The following MARK2 variants were observed in gnomAD, a reference collection of about 807,000 sequenced individuals.
MARK2 encodes the protein serine/threonine-protein kinase MARK2.
A neutral mutation model predicts 89.8 loss-of-function variants in MARK2; 16 were observed. The ratio of observed to expected loss-of-function variants is 0.18; its 90% CI spans 0.12 to 0.27. The LOEUF is 0.27. MARK2 is among the 10% of genes least tolerant of loss of function. The pLI, the probability that MARK2 is intolerant of heterozygous loss-of-function variation, is 1.00. For missense variants in MARK2, 621 were observed against 1,049.9 expected (o/e 0.59, Z 5.65); for synonymous variants, 382 against 399.5 (o/e 0.96, Z 0.52).
At chr11:63,885,547 AAGAG>A (rs887331511) in intron 1 of MARK2, among the ~76,000 whole-genome samples, 3 of 150,144 alleles carry the variant, frequency 2.0e-5, no homozygotes, top group Admixed American at 6.6e-5. Context: ...TTGAAAAAAA[AAGAG>A]AGGCTGGGCG....
At chr11:63,842,681 A>G (rs1197938123) in intron 1 of MARK2, among the ~76,000 whole-genome samples, 1 of 152,048 alleles carries the variant, frequency 6.6e-6, no homozygotes, top group Non-Finnish European at 1.5e-5. Flanking sequence ...GGTCATTACT[A>G]TAGTCTTAAT....
intron 1 of MARK2, among the ~76,000 whole-genome samples, chr11:63,876,783 A>G (rs1165459264): frequency 5.9e-5 from 9 of 152,196 alleles, no homozygotes; most frequent in Admixed American, 5.2e-4. Context: ...TGCCTCCTTC[A>G]AAACACCCAG....
chr11:63,899,924 T>C lies in MARK2; in HGVS notation c.582T>C (p.Phe194=), dbSNP rs1940730182. ...ATATGAACATCAAGATTGCAGACTT[T>C]GGCTTCAGCAATGAATTCACCTTTG... ...DADMNIKIAD[F]GFSNEFTFGN... is the part of the protein sequence containing the mutation. The change falls in exon 8 of 19, where the codon TTT becomes TTC. Residue 194 remains phenylalanine (F), a synonymous_variant. Transcript: ENST00000402010. 2 of 1,614,106 alleles carry C rather than the reference T, an allele frequency of 1.2e-6. No individual in the cohort carries two copies. The highest frequency in any genetic ancestry group is 1.7e-6 in the Non-Finnish European group (2 of 1,180,050).
intron 1 of MARK2, among the ~76,000 whole-genome samples, chr11:63,840,460 C>T (rs1337751403): frequency 2.0e-5 from 3 of 152,170 alleles, no homozygotes; most frequent in African/African-American, 7.2e-5. Flanking sequence ...AGACACTTGG[C>T]CCCACCGTAT....
chr11:63,840,702 C>T (rs1054276118), intron 1 of MARK2, among the ~76,000 whole-genome samples: 2 of 152,188 alleles, frequency 1.3e-5, no homozygotes, highest in African/African-American at 2.4e-5. Context: ...GCATTAGTCT[C>T]CTGCCTTCTT....
chr11:63,891,909 A>C (rs1228073173), intron 1 of MARK2, among the ~76,000 whole-genome samples: 2 of 152,202 alleles, frequency 1.3e-5, no homozygotes, highest in African/African-American at 2.4e-5. Context: ...TGGCCCAATC[A>C]GGTGCCAGCA....
At chr11:63,881,939 G>C (rs183963162) in intron 1 of MARK2, among the ~76,000 whole-genome samples, 1 of 152,348 alleles carries the variant, frequency 6.6e-6, no homozygotes, top group African/African-American at 2.4e-5. Context: ...CTGGGCAAGA[G>C]AGCAAGACTT....
intron 1 of MARK2, among the ~76,000 whole-genome samples, chr11:63,879,829 A>G (rs1047941900): frequency 6.6e-6 from 1 of 151,910 alleles, no homozygotes; most frequent in African/African-American, 2.4e-5. Context: ...TTGTCCCAGT[A>G]TTTTTTTCTG....
At chr11:63,873,787 A>G (rs1380268829) in intron 1 of MARK2, among the ~76,000 whole-genome samples, 1 of 152,224 alleles carries the variant, frequency 6.6e-6, no homozygotes, top group Admixed American at 6.5e-5. Flanking sequence ...CTGAGACTGC[A>G]GGCATGCGCC....
chr11:63,899,975 C>G lies in MARK2; in HGVS notation c.633C>G (p.Gly211=). The change falls in exon 8 of 19, where the codon GGC becomes GGG. Residue 211 remains glycine (G), a synonymous_variant. Transcript: ENST00000402010. ...GGAACAAGCTGGACACCTTCTGTGG[C>G]AGTCCCCCTTATGCTGCCCCAGAAC... ...TFGNKLDTFC[G]SPPYAAPELF... The G allele has an allele frequency of 6.2e-7, 1 of 1,614,140 alleles. No individual in the cohort carries two copies.
intron 1 of MARK2, among the ~76,000 whole-genome samples, chr11:63,853,723 C>T (rs989799614): frequency 2.0e-5 from 3 of 152,164 alleles, no homozygotes; most frequent in African/African-American, 7.2e-5. Context: ...GCACTAAGCT[C>T]TACTAGTGGT....
chr11:63,860,149 T>C (rs1937663362), intron 1 of MARK2, among the ~76,000 whole-genome samples: 1 of 152,164 alleles, frequency 6.6e-6, no homozygotes, highest in South Asian at 2.1e-4. Context: ...ATATACTCAT[T>C]CTCCAATTTC....
At chr11:63,853,260 G>C (rs1024779682) in intron 1 of MARK2, among the ~76,000 whole-genome samples, 1 of 152,122 alleles carries the variant, frequency 6.6e-6, no homozygotes, top group African/African-American at 2.4e-5. Context: ...TTAGCCAGGC[G>C]TGGTGGCGCA....
Position 63,839,487 on chromosome 11 carries a change from TC to T in MARK2, c.-15del. 1 of 1,482,632 alleles carries T rather than the reference TC, an allele frequency of 6.7e-7. No homozygotes were observed. The highest frequency in any genetic ancestry group is 9.1e-7 in the Non-Finnish European group (1 of 1,097,216). The allele number at this position is 1,482,632 out of a possible 1,614,324, so 91.8% of individuals were successfully genotyped here. On this transcript the variant is annotated 5_prime_UTR_variant, in exon 1 of 19. Coordinates refer to ENST00000402010, the MANE Select transcript of MARK2 (RefSeq NM_001039469.3). ...CCTTCCTCCAAGCTTCTCGGTTCCC[TC>T]CCCCGAGATACCGGCGCCATGTCCA...
Position 63,902,799 on chromosome 11 carries a change from G to T in MARK2, c.1416+17G>T. The T allele has an allele frequency of 6.3e-7, 1 of 1,597,280 alleles. No homozygotes were observed. Among genetic ancestry groups the T allele is most frequent in the Non-Finnish European group, 8.6e-7 (1 of 1,167,590 alleles). ...CCCTCCACGGTGAGCCGCACCCCCC[G>T]CTCTCTCCTTCCTTCCTGCGGTGGG... On this transcript the variant is annotated intron_variant, in intron 13 of 18. Coordinates refer to ENST00000402010, the MANE Select transcript of MARK2 (RefSeq NM_001039469.3). This position sits in a 1 kb window ranked among gnomAD's most constrained non-coding sequence, Gnocchi z 4.2.
At chr11:63,839,707 C>T (rs1590946489) in intron 1 of MARK2, 147 bp downstream of exon 1, 1 of 635,372 alleles carries the variant, frequency 1.6e-6, no homozygotes, top group East Asian at 3.2e-5. Flanking sequence ...TCCGGCTCCG[C>T]ACATCCCGCT....
intron 1 of MARK2, among the ~76,000 whole-genome samples, chr11:63,844,651 G>A (rs987291378): frequency 2.6e-5 from 4 of 152,210 alleles, no homozygotes; most frequent in African/African-American, 9.7e-5. Flanking sequence ...ATTTTTCTCA[G>A]CATAAATGTC....
chr11:63,895,921 C>T (rs1056601466), intron 3 of MARK2, among the ~76,000 whole-genome samples: 3 of 152,050 alleles, frequency 2.0e-5, no homozygotes, highest in Non-Finnish European at 4.4e-5. Flanking sequence ...CCGCTCGCCT[C>T]GGCCTCCCAA....
rs539669139 is a variant in MARK2, at chr11:63,886,993, C to T, written c.55-8166C>T. ...GCTTGAGCCCAGGATCCAGTGGGCC[C>T]ACTGAAGTCAGGGCCCACTTTTGGG... On this transcript the variant is annotated intron_variant, in intron 1 of 18. Coordinates refer to ENST00000402010, the MANE Select transcript of MARK2 (RefSeq NM_001039469.3). 8.5e-5 allele frequency among the ~76,000 whole-genome samples: 13 copies of T among 152,356 alleles called. No individual in the cohort carries two copies. The South Asian group carries it at 2.7e-3, about 32-fold the overall frequency.
Sources: allele counts gnomAD v4.1 joint callset (sites outside exome capture counted in the v4.1 genomes callset), GRCh38; gene constraint gnomAD v4.1.1; non-coding constraint Gnocchi (gnomAD v3.1); transcripts MANE v1.5; gene names NCBI Gene and HGNC (gene_info 2026-07-23, HGNC 2026-07-21).